Variants in ARHGAP28 observed in about 807,000 individuals in gnomAD.
ARHGAP28 encodes the protein Rho GTPase activating protein 28, also known as rho GTPase-activating protein 28.
A neutral mutation model predicts 90.7 loss-of-function variants in ARHGAP28; 56 were observed. The observed-to-expected ratio is 0.62, with a 90% confidence interval of 0.50 to 0.77. The LOEUF (loss-of-function observed/expected upper bound fraction) is 0.77. Among genes scored for constraint, ARHGAP28 ranks in the 30% least tolerant of loss-of-function variants. The pLI, the probability that ARHGAP28 is intolerant of heterozygous loss-of-function variation, is 0.00. For synonymous variants in ARHGAP28, 308 were observed against 323.3 expected (o/e 0.95, Z 0.51); for missense variants, 869 against 900.9 (o/e 0.96, Z 0.45).
chr18:6,776,829 C>T (rs1055954590), intron 1 of ARHGAP28, among the ~76,000 whole-genome samples: 1 of 152,172 alleles, frequency 6.6e-6, no homozygotes, highest in African/African-American at 2.4e-5. Flanking sequence ...GCTATAATAT[C>T]TTGTTCCCCT....
chr18:6,882,962 CAA>C (rs752793830), intron 11 of ARHGAP28, among the ~76,000 whole-genome samples: 2 of 151,910 alleles, frequency 1.3e-5, no homozygotes, highest in Non-Finnish European at 2.9e-5. Context: ...GAGGATGTAA[CAA>C]GAGAAAAGTT....
intron 2 of ARHGAP28, among the ~76,000 whole-genome samples, chr18:6,833,018 A>G (rs2056727268): frequency 6.6e-6 from 1 of 152,094 alleles, no homozygotes; most frequent in Admixed American, 6.5e-5. Context: ...TTTTATGTAT[A>G]ACATCTGCAT....
At chr18:6,767,417 A>T (rs1179305124) in intron 1 of ARHGAP28, among the ~76,000 whole-genome samples, 2 of 151,994 alleles carry the variant, frequency 1.3e-5, no homozygotes, top group Non-Finnish European at 2.9e-5. Flanking sequence ...CCACATTTTT[A>T]TTCTTTTGTA....
chr18:6,896,676 C>A, intron 16 of ARHGAP28, 50 bp downstream of exon 16: 1 of 1,601,122 alleles, frequency 6.2e-7, no homozygotes, highest in African/African-American at 1.3e-5. Context: ...AAACCTTTAT[C>A]AGATGAATAA....
chr18:6,770,343 A>C (rs576193912), intron 1 of ARHGAP28, among the ~76,000 whole-genome samples: 5 of 152,238 alleles, frequency 3.3e-5, no homozygotes, highest in African/African-American at 1.2e-4. Context: ...CCAAATACTC[A>C]GTGCTGTCTT....
rs565050925 is a variant in ARHGAP28 at position 6,864,362 on chromosome 18, C to A, written c.727-3788C>A. ...TACAGGCATGAGCCACCACACTGGG[C>A]CTGTTTAATTTTTTAATGGATGTAA... On this transcript the variant is annotated intron_variant, in intron 5 of 17. Coordinates refer to ENST00000383472, the MANE Select transcript of ARHGAP28 (RefSeq NM_001366230.1). 2.3e-4 allele frequency among the ~76,000 whole-genome samples: 35 copies of A among 152,254 alleles called. No individual in the cohort carries two copies. The South Asian group carries it at 3.1e-3, about 14-fold the overall frequency.
intron 1 of ARHGAP28, among the ~76,000 whole-genome samples, chr18:6,742,251 C>G (rs2055985292): frequency 6.6e-6 from 1 of 150,906 alleles, no homozygotes; most frequent in African/African-American, 2.4e-5. Flanking sequence ...ACTGCAACCT[C>G]AACTTCCTGG....
chr18:6,911,996 TATGTGTGCGCACGCACACACACAC>T, intron 17 of ARHGAP28, 40 bp from the exon 18 acceptor site: 1 of 1,044,686 alleles, frequency 9.6e-7, no homozygotes, highest in Non-Finnish European at 1.4e-6. Context: ...CACAGACACA[TATGTGTGCGCACGCACACACACAC>T]AAATGTACAC....
chr18:6,762,021 G>A (rs138564861), intron 1 of ARHGAP28, among the ~76,000 whole-genome samples: 16 of 152,248 alleles, frequency 1.1e-4, no homozygotes, highest in African/African-American at 3.9e-4. Context: ...TGTCATCTCT[G>A]CTCACCATTA....
intron 1 of ARHGAP28, among the ~76,000 whole-genome samples, chr18:6,779,247 A>G (rs573722890): frequency 1.3e-5 from 2 of 152,284 alleles, no homozygotes; most frequent in Non-Finnish European, 2.9e-5. Flanking sequence ...ATCCTGCATC[A>G]TGTTATCTGG....
intron 1 of ARHGAP28, among the ~76,000 whole-genome samples, chr18:6,796,414 T>C (rs1217143528): frequency 6.6e-6 from 1 of 152,118 alleles, no homozygotes; most frequent in Admixed American, 6.6e-5. Flanking sequence ...CACATCAACT[T>C]ACCCATTTCT....
In ARHGAP28 at chr18:6,841,167, CCTCTCTCTCTCTCCTCTCTCTCT is replaced by C. The variant is rs1317750249; in HGVS notation, c.543+3772_543+3794del. Among the ~76,000 whole-genome samples, 580 of 79,938 alleles carry C rather than the reference CCTCTCTCTCTCTCCTCTCTCTCT, an allele frequency of 7.3e-3. 5 individuals carry two copies. The highest frequency in any genetic ancestry group is 0.011 in the Non-Finnish European group (416 of 38,086). 52.4% of individuals were successfully genotyped at this position (79,938 alleles called of 152,430 possible). ...CTGTCTCTCTCCTCTTTCTCTCTCTCCTCTCTCTCTCTCCTCTCTCTCTCTCTCTCTCTCTCCTCTCCTCTCTC... is the reference window on the plus strand; with the variant it reads ...CTGTCTCTCTCCTCTTTCTCTCTCTCCTCTCTCTCTCTCCTCTCCTCTCTC... On this transcript the variant is annotated intron_variant, in intron 3 of 17. Coordinates refer to ENST00000383472, the MANE Select transcript of ARHGAP28 (RefSeq NM_001366230.1).
At chr18:6,779,805 A>C (rs984933301) in intron 1 of ARHGAP28, among the ~76,000 whole-genome samples, 5 of 152,242 alleles carry the variant, frequency 3.3e-5, no homozygotes, top group Admixed American at 3.3e-4. Context: ...TTATTGCTTC[A>C]AAATTACACT....
intron 2 of ARHGAP28, among the ~76,000 whole-genome samples, chr18:6,833,385 G>A (rs1353291262): frequency 6.6e-6 from 1 of 151,908 alleles, no homozygotes; most frequent in East Asian, 1.9e-4. Context: ...AAACCCTCCA[G>A]TTTAGAATCA....
chr18:6,871,017 G>A (rs1452667716), intron 7 of ARHGAP28, among the ~76,000 whole-genome samples: 2 of 152,164 alleles, frequency 1.3e-5, no homozygotes, highest in African/African-American at 4.8e-5. Context: ...AGCCAGGATG[G>A]TCTCGATCTC....
At chr18:6,804,034 C>T (rs1327083242) in intron 1 of ARHGAP28, among the ~76,000 whole-genome samples, 1 of 152,212 alleles carries the variant, frequency 6.6e-6, no homozygotes, top group Non-Finnish European at 1.5e-5. Flanking sequence ...CTGCCTCGGC[C>T]TCCCAAAGTG....
At chr18:6,804,862 A>G (rs774537622) in intron 1 of ARHGAP28, among the ~76,000 whole-genome samples, 24 of 152,182 alleles carry the variant, frequency 1.6e-4, no homozygotes, top group Non-Finnish European at 2.5e-4. Context: ...TGTACTTGAA[A>G]ACGTGTATTC....
intron 1 of ARHGAP28, among the ~76,000 whole-genome samples, chr18:6,773,505 G>C (rs78135144): frequency 6.6e-6 from 1 of 152,136 alleles, no homozygotes; most frequent in African/African-American, 2.4e-5. Context: ...TATTATCAAT[G>C]CCATTTATTC....
intron 3 of ARHGAP28, among the ~76,000 whole-genome samples, chr18:6,849,880 C>G (rs375678166): frequency 3.0e-4 from 45 of 151,964 alleles, no homozygotes; most frequent in African/African-American, 1.1e-3. Flanking sequence ...TCTTGCTTTC[C>G]TTTGAATTCT....
Sources: gnomAD v4.1 joint callset for allele counts (sites outside exome capture counted in the v4.1 genomes callset) on GRCh38, gnomAD v4.1.1 for gene constraint, MANE v1.5 for transcripts, NCBI Gene and HGNC (gene_info 2026-07-23, HGNC 2026-07-21) for gene names.